The following RBKS variants were observed in gnomAD, a reference collection of about 807,000 sequenced individuals.
The protein encoded by RBKS is ribokinase.
Under a neutral mutation model 33.9 loss-of-function variants are expected in RBKS, and 33 were observed. That is an observed-to-expected ratio of 0.97 (90% CI 0.74 to 1.30). RBKS has a LOEUF of 1.30. RBKS is among the 50% of genes most tolerant of loss of function. RBKS has a pLI of 0.00. For missense variants in RBKS, 361 were observed against 392.6 expected, an observed-to-expected ratio of 0.92 and a Z score of 0.68; for synonymous variants, 125 against 143.0, an observed-to-expected ratio of 0.87 and a Z score of 0.90.
chr2:27,784,155 T>C (rs1677354383), intron 7 of RBKS, among the ~76,000 whole-genome samples: 3 of 150,356 alleles, frequency 2.0e-5, no homozygotes, highest in African/African-American at 7.3e-5. Flanking sequence ...GGCTAATTTT[T>C]TGTATTTTTA....
At chr2:27,817,802 T>TAGAGCATGTGAAGGGAAGGG (rs879889022) in intron 7 of RBKS, among the ~76,000 whole-genome samples, 6 of 152,122 alleles carry the variant, frequency 3.9e-5, no homozygotes, top group Non-Finnish European at 7.3e-5. Context: ...GCAGGTGAGA[T>TAGAGCATGTGAAGGGAAGGG]AGAGCATGTG....
chr2:27,799,400 T>C (rs142481155), intron 7 of RBKS, among the ~76,000 whole-genome samples: 1 of 152,290 alleles, frequency 6.6e-6, no homozygotes, highest in Non-Finnish European at 1.5e-5. Context: ...CCCTAACAGT[T>C]ACAGCGCGTG....
Position 27,827,772 on chromosome 2 carries a change from T to G in RBKS, c.607-17A>C, listed in dbSNP as rs765322003. Reference sequence around the variant, plus strand: ...AATCTCAGCCTAGAATACACAAAAGTCAACAGAAACAGTGGTGAAAATAAG... The same window carrying G: ...AATCTCAGCCTAGAATACACAAAAGGCAACAGAAACAGTGGTGAAAATAAG... On this transcript the variant is annotated splice_polypyrimidine_tract_variant and intron_variant, in intron 6 of 7. Transcript: ENST00000302188. 1 of 1,551,910 alleles carries G rather than the reference T, an allele frequency of 6.4e-7. No individual in the cohort carries two copies. The highest frequency in any genetic ancestry group is 8.7e-7 in the Non-Finnish European group (1 of 1,151,298).
At chr2:27,846,511 C>T (rs1322944936) in intron 4 of RBKS, among the ~76,000 whole-genome samples, 1 of 152,178 alleles carries the variant, frequency 6.6e-6, no homozygotes, top group East Asian at 1.9e-4. Flanking sequence ...TATGGCAAAG[C>T]CTTGTGGCAG....
intron 7 of RBKS, among the ~76,000 whole-genome samples, chr2:27,815,899 G>A (rs756592571): frequency 4.6e-5 from 7 of 152,096 alleles, no homozygotes; most frequent in Non-Finnish European, 1.0e-4. Flanking sequence ...TGAAACAATG[G>A]TTCCTTTTCT....
At chr2:27,842,102 A>C (rs1469615522) in intron 5 of RBKS, among the ~76,000 whole-genome samples, 1 of 152,228 alleles carries the variant, frequency 6.6e-6, no homozygotes, top group East Asian at 1.9e-4. Context: ...CAGACAAATC[A>C]GGTAATTCTG....
At chr2:27,785,883 G>A (rs1367498321) in intron 7 of RBKS, among the ~76,000 whole-genome samples, 1 of 152,166 alleles carries the variant, frequency 6.6e-6, no homozygotes, top group Non-Finnish European at 1.5e-5. Context: ...TAGGTACAAA[G>A]ATGCTTATTG....
chr2:27,864,856 A>G (rs1416241365), intron 1 of RBKS, among the ~76,000 whole-genome samples: 2 of 152,232 alleles, frequency 1.3e-5, no homozygotes, highest in Non-Finnish European at 2.9e-5. Flanking sequence ...AAGAAGCAGC[A>G]TGCATCACCT....
chr2:27,824,249 C>T (rs952588238), intron 7 of RBKS, among the ~76,000 whole-genome samples: 7 of 152,242 alleles, frequency 4.6e-5, no homozygotes, highest in Middle Eastern at 3.4e-3. Flanking sequence ...TAATAATTCA[C>T]CTATTTTAAC....
At chr2:27,790,805 T>A (rs1261581423) in intron 7 of RBKS, among the ~76,000 whole-genome samples, 1 of 152,198 alleles carries the variant, frequency 6.6e-6, no homozygotes, top group East Asian at 1.9e-4. Context: ...ATACGAGAAG[T>A]CTTATTCATT....
chr2:27,877,571 G>A (rs374332772), intron 1 of RBKS, among the ~76,000 whole-genome samples: 38 of 151,832 alleles, frequency 2.5e-4, no homozygotes, highest in East Asian at 1.4e-3. Flanking sequence ...GAATATAACC[G>A]CCCCTGCCCC....
chr2:27,885,053 A>G (rs1296234569), intron 1 of RBKS, among the ~76,000 whole-genome samples: 1 of 150,998 alleles, frequency 6.6e-6, no homozygotes, highest in African/African-American at 2.4e-5. Flanking sequence ...TATTTTCTTC[A>G]CCTCCTCAAT....
intron 7 of RBKS, among the ~76,000 whole-genome samples, chr2:27,796,307 A>G (rs146306606): frequency 6.6e-6 from 1 of 152,310 alleles, no homozygotes; most frequent in East Asian, 1.9e-4. Flanking sequence ...AGTACTTTCC[A>G]GTCAATCATT....
chr2:27,796,754 G>A (rs561890887), intron 7 of RBKS, among the ~76,000 whole-genome samples: 82 of 152,274 alleles, frequency 5.4e-4, no homozygotes, highest in Non-Finnish European at 7.8e-4. Context: ...GAATCTGAGA[G>A]GCAGGAGCCC....
At chr2:27,824,591 T>C (rs184948324) in intron 7 of RBKS, among the ~76,000 whole-genome samples, 227 of 152,376 alleles carry the variant, frequency 1.5e-3, no homozygotes, top group African/African-American at 5.3e-3. Flanking sequence ...TTCCATCGTA[T>C]GGATATACCA....
Position 27,871,293 on chromosome 2 carries a change from A to C in RBKS, c.90-12722T>G, listed in dbSNP as rs114288410. ...AACAAACAAACAAACAAAAAAACCCAAAAGCTTGTTTTTTAATGCGAGGTG... is the reference window on the plus strand; with the variant it reads ...AACAAACAAACAAACAAAAAAACCCCAAAGCTTGTTTTTTAATGCGAGGTG... On this transcript the variant is annotated intron_variant, in intron 1 of 7. Coordinates refer to ENST00000302188, the MANE Select transcript of RBKS (RefSeq NM_022128.3). Among the ~76,000 whole-genome samples the C allele has an allele frequency of 3.4e-3, 523 of 152,320 alleles. 1 individual carries two copies. The highest frequency in any genetic ancestry group is 0.012 in the African/African-American group (497 of 41,562).
At chr2:27,846,954 T>G in intron 4 of RBKS, 88 bp downstream of exon 4, 2 of 904,574 alleles carry the variant, frequency 2.2e-6, no homozygotes, top group Non-Finnish European at 3.6e-6. Flanking sequence ...AAGAGGTCCA[T>G]AGGATTATGG....
rs189980648 is a variant in RBKS, at chr2:27,840,380, A to G, written c.514+2687T>C. Among the ~76,000 whole-genome samples the G allele has an allele frequency of 8.5e-3, 1,273 of 150,398 alleles. 20 individuals carry two copies. Among genetic ancestry groups the G allele is most frequent in the African/African-American group, 0.029 (1,190 of 40,432 alleles). On this transcript the variant is annotated intron_variant, in intron 5 of 7. Coordinates refer to ENST00000302188, the MANE Select transcript of RBKS (RefSeq NM_022128.3). ...CGCGCGCGCGCACACACACACACACACACACACACACACACCCTCCTCATG... is the reference window on the plus strand; with the variant it reads ...CGCGCGCGCGCACACACACACACACGCACACACACACACACCCTCCTCATG...
At chr2:27,833,772 AG>A (rs1297497255) in intron 5 of RBKS, among the ~76,000 whole-genome samples, 1 of 152,218 alleles carries the variant, frequency 6.6e-6, no homozygotes, top group Non-Finnish European at 1.5e-5. Flanking sequence ...ATATATTTCA[AG>A]TCTTTAGAAA....
Sources: allele counts gnomAD v4.1 joint callset (sites outside exome capture counted in the v4.1 genomes callset), GRCh38; gene constraint gnomAD v4.1.1; transcripts MANE v1.5; gene names NCBI Gene and HGNC (gene_info 2026-07-23, HGNC 2026-07-21).